The following MED12L variants were observed in gnomAD, a reference collection of about 807,000 sequenced individuals.
The protein encoded by MED12L is mediator complex subunit 12L.
In MED12L, 60 loss-of-function variants were observed where a neutral mutation model predicts 281.3. The observed-to-expected ratio is 0.21, with a 90% CI of 0.17 to 0.26. The LOEUF is 0.26. Among genes scored for constraint, MED12L ranks in the 10% least tolerant of loss-of-function variants. MED12L has a pLI of 1.00. For synonymous variants in MED12L, 974 were observed against 987.2 expected, an observed-to-expected ratio of 0.99 and a Z score of 0.25; for missense variants, 2,146 against 2,680.9, an observed-to-expected ratio of 0.80 and a Z score of 4.41.
At position 151,191,916 on chromosome 3, in the gene MED12L, CAAAA is replaced by C. The variant is rs968626476; in HGVS notation, c.1969-623_1969-620del. Among the ~76,000 whole-genome samples, 112 of 146,658 alleles carry C rather than the reference CAAAA, an allele frequency of 7.6e-4. 1 individual carries two copies. In the South Asian group the frequency reaches 0.015, roughly 19 times the overall value. On this transcript the variant is annotated intron_variant, in intron 14 of 44. Coordinates refer to ENST00000687756, the MANE Select transcript of MED12L (RefSeq NM_001393769.1). Reference sequence around the variant, plus strand: ...AGCAAAACTGTCTCAAAAAAACAAACAAAAAAAAAAAAAACACCTCACAGTTTAG... The same window carrying C: ...AGCAAAACTGTCTCAAAAAAACAAACAAAAAAAAAACACCTCACAGTTTAG...
intron 16 of MED12L, chr3:151,199,244 C>T: frequency 6.2e-7 from 1 of 1,613,988 alleles, no homozygotes; most frequent in African/African-American, 1.3e-5. Context: ...GATGCTCACA[C>T]ACCTGTGATT....
intron 2 of MED12L, among the ~76,000 whole-genome samples, chr3:151,092,239 G>C (rs779884976): frequency 6.6e-6 from 1 of 152,230 alleles, no homozygotes; most frequent in African/African-American, 2.4e-5. Flanking sequence ...CCCACAGGGA[G>C]GCCTTCCTTG....
chr3:151,090,207 A>G (rs535403972), intron 2 of MED12L, among the ~76,000 whole-genome samples: 2 of 152,138 alleles, frequency 1.3e-5, no homozygotes, highest in African/African-American at 2.4e-5. Flanking sequence ...TATTCTCCCT[A>G]TACTTCATTT....
In MED12L at chr3:151,185,392, G is replaced by A. The variant is rs768742726; in HGVS notation, c.1557G>A (p.Arg519=). The change falls in exon 12 of 45, where the codon CGG becomes CGA. Residue 519 remains arginine, a synonymous_variant. Coordinates refer to ENST00000687756, the MANE Select transcript of MED12L (RefSeq NM_001393769.1). ...GTGAATGGGCCGTGAGCTGCAAACG[G>A]TCTGGCAAGCACAGGGCCATGGCTG... ...LLCEWAVSCK[R]SGKHRAMAVA... 1 of 1,613,966 alleles carries A rather than the reference G, an allele frequency of 6.2e-7. No homozygotes were observed. Among genetic ancestry groups the A allele is most frequent in the Non-Finnish European group, 8.5e-7 (1 of 1,179,984 alleles).
chr3:151,298,661 G>A (rs1038245812), intron 16 of MED12L, among the ~76,000 whole-genome samples: 2 of 152,170 alleles, frequency 1.3e-5, no homozygotes, highest in African/African-American at 4.8e-5. Flanking sequence ...GGTGGTATTT[G>A]TTTGGGACGT....
intron 5 of MED12L, among the ~76,000 whole-genome samples, chr3:151,142,426 T>G (rs141210045): frequency 6.6e-6 from 1 of 152,210 alleles, no homozygotes. Context: ...AAAGATAGCT[T>G]CTTGTATGAG....
intron 16 of MED12L, among the ~76,000 whole-genome samples, chr3:151,206,171 A>C (rs1726330875): frequency 6.7e-6 from 1 of 150,008 alleles, no homozygotes; most frequent in Non-Finnish European, 1.5e-5. Context: ...TAAATCTGAG[A>C]GTGACTGATG....
intron 20 of MED12L, among the ~76,000 whole-genome samples, 190 bp from the exon 21 acceptor site, chr3:151,360,284 A>T (rs565489643): frequency 2.2e-4 from 33 of 152,074 alleles, no homozygotes; most frequent in South Asian, 2.1e-4. Flanking sequence ...AGTTTTTTTT[A>T]AAATCTATTT....
At chr3:151,258,657 C>T (rs1385849104) in intron 16 of MED12L, among the ~76,000 whole-genome samples, 1 of 151,988 alleles carries the variant, frequency 6.6e-6, no homozygotes, top group Non-Finnish European at 1.5e-5. Flanking sequence ...AGAGTCCAGC[C>T]TGATCAACAT....
At chr3:151,118,025 A>T (rs958858451) in intron 3 of MED12L, among the ~76,000 whole-genome samples, 1 of 144,310 alleles carries the variant, frequency 6.9e-6, no homozygotes, top group East Asian at 2.1e-4. Flanking sequence ...CAGGAGGCGG[A>T]GGTTGCAGTG....
At chr3:151,310,287 A>G (rs780009874) in intron 16 of MED12L, among the ~76,000 whole-genome samples, 2 of 152,240 alleles carry the variant, frequency 1.3e-5, no homozygotes, top group African/African-American at 2.4e-5. Context: ...AAAGGTTTCC[A>G]TAGAACAATT....
rs183833951 is a variant in MED12L, at chr3:151,292,043, G to T, written c.2251-58016G>T. The stretch of plus-strand genomic sequence containing the variant: ...ATTTAGATGTTTTAAAGACCTCTTA[G>T]AATTGAGGCCTGAATGAAAGGATTA... On this transcript the variant is annotated intron_variant, in intron 16 of 44. Transcript: ENST00000687756. Among the ~76,000 whole-genome samples the T allele has an allele frequency of 3.7e-3, 569 of 152,272 alleles. 4 individuals are homozygous for T. The highest frequency in any genetic ancestry group is 0.013 in the African/African-American group (552 of 41,552).
intron 16 of MED12L, among the ~76,000 whole-genome samples, chr3:151,333,800 C>A (rs1232514682): frequency 2.6e-5 from 4 of 152,112 alleles, no homozygotes; most frequent in Non-Finnish European, 5.9e-5. Context: ...GGATTCTTGG[C>A]CAGGCATGGT....
intron 5 of MED12L, among the ~76,000 whole-genome samples, chr3:151,134,433 A>T (rs902903185): frequency 6.6e-6 from 1 of 152,234 alleles, no homozygotes; most frequent in African/African-American, 2.4e-5. Flanking sequence ...AGAACCCCTC[A>T]GCGTAAGTGT....
chr3:151,088,511 T>A (rs1719575380), intron 2 of MED12L, among the ~76,000 whole-genome samples: 1 of 152,192 alleles, frequency 6.6e-6, no homozygotes, highest in Non-Finnish European at 1.5e-5. Flanking sequence ...AACTTTATCA[T>A]CTTGTAATTA....
chr3:151,407,770 A>G (rs1716497975), intron 39 of MED12L, among the ~76,000 whole-genome samples: 1 of 152,218 alleles, frequency 6.6e-6, no homozygotes, highest in Non-Finnish European at 1.5e-5. Context: ...GTATGTATAA[A>G]TACCCTCAGA....
chr3:151,101,820 C>T (rs775014456), intron 2 of MED12L, among the ~76,000 whole-genome samples: 7 of 152,036 alleles, frequency 4.6e-5, no homozygotes, highest in African/African-American at 1.2e-4. Context: ...GGGAGGGAGA[C>T]GACTCTAGTA....
chr3:151,415,200 G>T (rs554357378), intron 42 of MED12L, among the ~76,000 whole-genome samples: 1 of 152,224 alleles, frequency 6.6e-6, no homozygotes, highest in Admixed American at 6.5e-5. Context: ...ATCCTAATTA[G>T]CATAATATGT....
At chr3:151,159,703 G>T in intron 7 of MED12L, 129 bp from the exon 8 acceptor site, 1 of 822,134 alleles carries the variant, frequency 1.2e-6, no homozygotes, top group Non-Finnish European at 1.9e-6. Context: ...TATTTCTATT[G>T]GACAGCACTT....
Sources: gnomAD v4.1 joint callset for allele counts (sites outside exome capture counted in the v4.1 genomes callset) on GRCh38, gnomAD v4.1.1 for gene constraint, MANE v1.5 for transcripts, NCBI Gene and HGNC (gene_info 2026-07-23, HGNC 2026-07-21) for gene names.